TBC1D12: variants seen among roughly 807,000 people sequenced by gnomAD.
TBC1D12 encodes the protein TBC1 domain family, member 12.
In TBC1D12, 56 loss-of-function variants were observed where a neutral mutation model predicts 86.7. The observed-to-expected ratio is 0.65, with a 90% CI of 0.52 to 0.81. The LOEUF is 0.81. Ranked by LOEUF, TBC1D12 falls within the 30% of genes least tolerant of loss-of-function variation. The pLI is 0.00. For synonymous variants in TBC1D12, 421 were observed against 411.7 expected (o/e 1.02, Z -0.27); for missense variants, 1,023 against 1,038.8 (o/e 0.98, Z 0.21).
intron 2 of TBC1D12, among the ~76,000 whole-genome samples, chr10:94,456,975 A>G (rs1045693953): frequency 3.3e-5 from 5 of 152,188 alleles, no homozygotes; most frequent in Non-Finnish European, 7.3e-5. Context: ...TGAGATTACT[A>G]TAGCTACTCT....
intron 1 of TBC1D12, among the ~76,000 whole-genome samples, chr10:94,423,876 A>G (rs1383480691): frequency 6.6e-6 from 1 of 152,204 alleles, no homozygotes; most frequent in Non-Finnish European, 1.5e-5. Flanking sequence ...CCAAAACCAC[A>G]TACAGTCAGA....
intron 2 of TBC1D12, among the ~76,000 whole-genome samples, chr10:94,465,894 A>G (rs1354184628): frequency 6.6e-6 from 1 of 150,928 alleles, no homozygotes; most frequent in Non-Finnish European, 1.5e-5. Context: ...GTATATACAT[A>G]CATACGCATA....
chr10:94,465,296 C>T (rs752742958), intron 2 of TBC1D12, among the ~76,000 whole-genome samples: 94 of 152,222 alleles, frequency 6.2e-4, no homozygotes, highest in African/African-American at 2.0e-3. Context: ...TATCAAAAAA[C>T]GACAGTATTA....
At chr10:94,466,446 A>G (rs1034932218) in intron 2 of TBC1D12, among the ~76,000 whole-genome samples, 14 of 151,998 alleles carry the variant, frequency 9.2e-5, no homozygotes, top group African/African-American at 3.4e-4. Flanking sequence ...ATATACATAC[A>G]CACATATATA....
chr10:94,497,403 T>TATTA (rs1234797676), intron 5 of TBC1D12, among the ~76,000 whole-genome samples: 2 of 152,136 alleles, frequency 1.3e-5, no homozygotes, highest in Non-Finnish European at 2.9e-5. Context: ...TAAATTATAC[T>TATTA]ATTAATTAAT....
intron 1 of TBC1D12, among the ~76,000 whole-genome samples, chr10:94,432,233 AG>A (rs2055227393): frequency 1.3e-5 from 2 of 152,160 alleles, no homozygotes; most frequent in South Asian, 4.1e-4. Context: ...TCAGCTTTTC[AG>A]GCTTACTAAC....
At chr10:94,409,787 A>G (rs1352316934) in intron 1 of TBC1D12, among the ~76,000 whole-genome samples, 1 of 152,166 alleles carries the variant, frequency 6.6e-6, no homozygotes, top group Non-Finnish European at 1.5e-5. Context: ...GGCCATAGAG[A>G]TTAATTTTTA....
Position 94,511,566 on chromosome 10 carries a change from C to A in TBC1D12, c.1690-17C>A, listed in dbSNP as rs752272224. 6.4e-7 allele frequency: 1 copy of A among 1,560,518 alleles called. No individual in the cohort carries two copies. Among genetic ancestry groups the A allele is most frequent in the South Asian group, 1.1e-5 (1 of 87,812 alleles). On this transcript the variant is annotated splice_polypyrimidine_tract_variant and intron_variant, in intron 8 of 12. Coordinates refer to ENST00000225235, the MANE Select transcript of TBC1D12 (RefSeq NM_015188.2). ...AAATTATTTGTACAGTTTCAAATTTCATTTTTCTCTCCTAAGGGTGGTCCA... is the reference window on the plus strand; with the variant it reads ...AAATTATTTGTACAGTTTCAAATTTAATTTTTCTCTCCTAAGGGTGGTCCA...
intron 2 of TBC1D12, among the ~76,000 whole-genome samples, chr10:94,447,932 G>A (rs909581131): frequency 2.0e-5 from 3 of 150,562 alleles, no homozygotes; most frequent in Non-Finnish European, 4.4e-5. Flanking sequence ...ATCTCTCAGT[G>A]AAACTTACCT....
intron 3 of TBC1D12, among the ~76,000 whole-genome samples, chr10:94,489,616 C>T (rs2056219471): frequency 6.6e-6 from 1 of 152,206 alleles, no homozygotes; most frequent in Non-Finnish European, 1.5e-5. Flanking sequence ...TGGCTTTTGG[C>T]ATGCCTTCCT....
rs1213043622 is a variant in TBC1D12 at position 94,520,667 on chromosome 10, CT to C, written c.1762-1278del. 8.0e-5 allele frequency among the ~76,000 whole-genome samples: 12 copies of C among 149,232 alleles called. No individual in the cohort carries two copies. In the South Asian group the frequency reaches 8.5e-4, roughly 11 times the overall value. On this transcript the variant is annotated intron_variant, in intron 9 of 12. Transcript: ENST00000225235. ...AGACAGAGTTATCATTGCAGGTGTTCTTTTTTTTTTGAGACCGAGTCTCGCT... is the reference window on the plus strand; with the variant it reads ...AGACAGAGTTATCATTGCAGGTGTTCTTTTTTTTTGAGACCGAGTCTCGCT...
intron 1 of TBC1D12, among the ~76,000 whole-genome samples, chr10:94,422,601 A>T (rs2055090667): frequency 6.6e-6 from 1 of 152,142 alleles, no homozygotes; most frequent in African/African-American, 2.4e-5. Flanking sequence ...TAAGAGATAG[A>T]GTCTTGCTCC....
Position 94,478,259 on chromosome 10 carries a change from C to T in TBC1D12, c.1211+3476C>T, listed in dbSNP as rs145692650. Among the ~76,000 whole-genome samples, 237 of 152,006 alleles carry T rather than the reference C, an allele frequency of 1.6e-3. 1 individual carries two copies. The highest frequency in any genetic ancestry group is 5.6e-3 in the African/African-American group (230 of 41,428). On this transcript the variant is annotated intron_variant, in intron 3 of 12. Coordinates refer to ENST00000225235, the MANE Select transcript of TBC1D12 (RefSeq NM_015188.2). ...CCTGGGTGACAGAGTGAAACCCTGT[C>T]TCAGAAAAAATAAAATAAGATGACA...
chr10:94,427,660 T>C, intron 1 of TBC1D12, among the ~76,000 whole-genome samples: 1 of 151,962 alleles, frequency 6.6e-6, no homozygotes, highest in South Asian at 2.1e-4. Context: ...GGCGAAACCC[T>C]GTCTCCAATA....
chr10:94,503,892 T>G (rs2056429608), intron 6 of TBC1D12, among the ~76,000 whole-genome samples: 1 of 152,238 alleles, frequency 6.6e-6, no homozygotes, highest in African/African-American at 2.4e-5. Context: ...CCCAAAGTGC[T>G]GGGCTTACAG....
chr10:94,474,476 G>A (rs2055956514), intron 2 of TBC1D12, among the ~76,000 whole-genome samples, 192 bp from the exon 3 acceptor site: 1 of 151,808 alleles, frequency 6.6e-6, no homozygotes, highest in Non-Finnish European at 1.5e-5. Flanking sequence ...ATAGGCATGA[G>A]CCACTGCTCC....
At chr10:94,512,283 A>G (rs1056322830) in intron 9 of TBC1D12, among the ~76,000 whole-genome samples, 32 of 125,122 alleles carry the variant, frequency 2.6e-4, no homozygotes, top group African/African-American at 7.9e-4. Flanking sequence ...TTGTGGGTTA[A>G]TATTTATTTT....
At chr10:94,511,940 C>A (rs1225565404) in intron 9 of TBC1D12, among the ~76,000 whole-genome samples, 2 of 152,188 alleles carry the variant, frequency 1.3e-5, no homozygotes, top group Non-Finnish European at 2.9e-5. Context: ...CTCTTCCTAA[C>A]CCTCTTTTCC....
intron 6 of TBC1D12, among the ~76,000 whole-genome samples, chr10:94,505,534 C>T (rs1476455091): frequency 6.6e-6 from 1 of 152,156 alleles, no homozygotes; most frequent in Non-Finnish European, 1.5e-5. Flanking sequence ...GGTCACACCA[C>T]TGCATTCCAG....
Sources: gnomAD v4.1 joint callset for allele counts (sites outside exome capture counted in the v4.1 genomes callset) on GRCh38, gnomAD v4.1.1 for gene constraint, MANE v1.5 for transcripts, NCBI Gene and HGNC (gene_info 2026-07-23, HGNC 2026-07-21) for gene names.